RALGPS2: variants seen among roughly 807,000 people sequenced by gnomAD.
The protein encoded by RALGPS2 is ras-specific guanine nucleotide-releasing factor RalGPS2.
In RALGPS2, 43 loss-of-function variants were observed where a neutral mutation model predicts 86.8. The ratio of observed to expected loss-of-function variants is 0.50; its 90% confidence interval spans 0.39 to 0.64. The LOEUF (loss-of-function observed/expected upper bound fraction) is 0.64, where lower values mean the gene tolerates loss of function less well. Ranked by LOEUF, RALGPS2 falls within the 30% of genes least tolerant of loss-of-function variation. The pLI, the probability that RALGPS2 is intolerant of heterozygous loss-of-function variation, is 0.00. For synonymous variants in RALGPS2, 243 were observed against 231.3 expected (o/e 1.05, Z -0.46); for missense variants, 536 against 694.6 (o/e 0.77, Z 2.57).
intron 1 of RALGPS2, among the ~76,000 whole-genome samples, chr1:178,762,182 G>T (rs1341629212): frequency 6.6e-6 from 1 of 152,152 alleles, no homozygotes; most frequent in African/African-American, 2.4e-5. Context: ...TAAAGGACAT[G>T]ATGTCACTCT....
intron 8 of RALGPS2, among the ~76,000 whole-genome samples, chr1:178,876,016 T>C (rs939571612): frequency 6.6e-6 from 1 of 152,136 alleles, no homozygotes; most frequent in East Asian, 1.9e-4. Flanking sequence ...AAAAAAAGTA[T>C]GATAGGTGAC....
At chr1:178,805,136 T>C (rs1448538768) in intron 4 of RALGPS2, among the ~76,000 whole-genome samples, 1 of 151,412 alleles carries the variant, frequency 6.6e-6, no homozygotes, top group Non-Finnish European at 1.5e-5. Context: ...TTTGTTTTTT[T>C]CTTGTAAATT....
In RALGPS2 at chr1:178,791,031, T is replaced by C. The variant is rs78439953; in HGVS notation, c.213+5424T>C. Among the ~76,000 whole-genome samples, 417 of 152,314 alleles carry C rather than the reference T, an allele frequency of 2.7e-3. 3 individuals carry two copies. The highest frequency in any genetic ancestry group is 9.7e-3 in the African/African-American group (404 of 41,578). On this transcript the variant is annotated intron_variant, in intron 4 of 19. Coordinates refer to ENST00000367635, the MANE Select transcript of RALGPS2 (RefSeq NM_152663.5). Reference sequence around the variant, plus strand: ...TAATTTTATGTTTGTGTCCATTATATCAATATTCAGGTCTCTACTTCATAT... The same window carrying C: ...TAATTTTATGTTTGTGTCCATTATACCAATATTCAGGTCTCTACTTCATAT...
intron 8 of RALGPS2, among the ~76,000 whole-genome samples, chr1:178,856,196 G>GAT (rs1449088390): frequency 6.6e-4 from 27 of 41,036 alleles, no homozygotes; most frequent in African/African-American, 1.7e-3. Flanking sequence ...TTTCCAGAGA[G>GAT]AGAGAGATAT....
chr1:178,735,015 C>T (rs759684450), intron 1 of RALGPS2, among the ~76,000 whole-genome samples: 1 of 151,738 alleles, frequency 6.6e-6, no homozygotes, highest in Non-Finnish European at 1.5e-5. Context: ...GTTATGAAAC[C>T]GCCAAAACCA....
At chr1:178,827,856 A>G (rs1655827441) in intron 7 of RALGPS2, among the ~76,000 whole-genome samples, 1 of 152,230 alleles carries the variant, frequency 6.6e-6, no homozygotes, top group African/African-American at 2.4e-5. Flanking sequence ...AAGAACACAC[A>G]ATGGGGAAAT....
At chr1:178,910,186 A>G (rs534826447) in intron 19 of RALGPS2, among the ~76,000 whole-genome samples, 1 of 152,324 alleles carries the variant, frequency 6.6e-6, no homozygotes, top group African/African-American at 2.4e-5. Context: ...TTTTCTAGAC[A>G]TAACATCATA....
chr1:178,744,271 G>A (rs1046260351), intron 1 of RALGPS2, among the ~76,000 whole-genome samples: 1 of 152,166 alleles, frequency 6.6e-6, no homozygotes, highest in Non-Finnish European at 1.5e-5. Flanking sequence ...AAAATTGGGG[G>A]CAGGGGAGGC....
chr1:178,824,835 T>C (rs754440453), intron 7 of RALGPS2, among the ~76,000 whole-genome samples: 1 of 151,602 alleles, frequency 6.6e-6, no homozygotes, highest in Non-Finnish European at 1.5e-5. Context: ...AAAGAAAAGA[T>C]AGTTTATCCA....
At chr1:178,783,967 A>G (rs905839384) in intron 2 of RALGPS2, among the ~76,000 whole-genome samples, 1 of 152,188 alleles carries the variant, frequency 6.6e-6, no homozygotes, top group African/African-American at 2.4e-5. Flanking sequence ...AGAATGGATT[A>G]TATGTAACTC....
chr1:178,743,583 TAAA>T (rs1245788868), intron 1 of RALGPS2, among the ~76,000 whole-genome samples: 7 of 152,122 alleles, frequency 4.6e-5, no homozygotes. Context: ...TAATTTAAGT[TAAA>T]AAAATTAGTT....
At chr1:178,831,182 A>G (rs1050728883) in intron 7 of RALGPS2, among the ~76,000 whole-genome samples, 1 of 152,216 alleles carries the variant, frequency 6.6e-6, no homozygotes, top group African/African-American at 2.4e-5. Flanking sequence ...AGTCAAGGCA[A>G]TTGGATGGAA....
rs773877664 is a variant in RALGPS2 at position 178,916,710 on chromosome 1, A to G, written c.*351A>G. 8.6e-6 allele frequency: 2 copies of G among 231,232 alleles called. No individual in the cohort carries two copies. The highest frequency in any genetic ancestry group is 4.5e-5 in the African/African-American group (2 of 44,494). 14.3% of individuals were successfully genotyped at this position (231,232 alleles called of 1,614,324 possible). A position where few individuals can be genotyped will look rare whatever the true frequency, so the allele number is the denominator to read the frequency against. On this transcript the variant is annotated 3_prime_UTR_variant, in exon 20 of 20. Transcript: ENST00000367635. ...TTGGAATAGATCGTAGCTAATTTGC[A>G]TTTCTTTTAACTTTGTAATAATTTT...
chr1:178,811,261 A>C (rs1654962364), intron 5 of RALGPS2, 54 bp from the exon 6 acceptor site: 3 of 1,403,532 alleles, frequency 2.1e-6, no homozygotes, highest in Non-Finnish European at 2.9e-6. Flanking sequence ...ATACAGCAAA[A>C]AAACTTACAA....
chr1:178,904,147 T>C (rs573457638), intron 18 of RALGPS2, among the ~76,000 whole-genome samples: 1 of 152,340 alleles, frequency 6.6e-6, no homozygotes, highest in African/African-American at 2.4e-5. Flanking sequence ...CATTTGTGTA[T>C]CTTCTTTTGA....
chr1:178,882,875 C>A (rs1659319232), intron 10 of RALGPS2, among the ~76,000 whole-genome samples: 1 of 152,146 alleles, frequency 6.6e-6, no homozygotes, highest in Non-Finnish European at 1.5e-5. Flanking sequence ...CTGAAGAGTT[C>A]TGTCAGCTGG....
At chr1:178,771,716 GA>G (rs1652820987) in intron 1 of RALGPS2, among the ~76,000 whole-genome samples, 1 of 152,004 alleles carries the variant, frequency 6.6e-6, no homozygotes, top group African/African-American at 2.4e-5. Context: ...TAAACCTAGC[GA>G]TAACCACATT....
chr1:178,754,259 A>G (rs1651840506), intron 1 of RALGPS2, among the ~76,000 whole-genome samples: 2 of 151,150 alleles, frequency 1.3e-5, no homozygotes, highest in Non-Finnish European at 1.5e-5. Context: ...TTATATAATT[A>G]CATACACTAT....
intron 1 of RALGPS2, chr1:178,747,487 C>T (rs2102035432): frequency 5.0e-6 from 8 of 1,607,584 alleles, no homozygotes; most frequent in Middle Eastern, 2.1e-4. Flanking sequence ...CACATTTAAC[C>T]AATTCTTTCT....
Sources: gnomAD v4.1 joint callset for allele counts (sites outside exome capture counted in the v4.1 genomes callset) on GRCh38, gnomAD v4.1.1 for gene constraint, MANE v1.5 for transcripts, NCBI Gene and HGNC (gene_info 2026-07-23, HGNC 2026-07-21) for gene names.